Variants in NOTCH2 observed in about 807,000 individuals in gnomAD.
The protein encoded by NOTCH2 is neurogenic locus notch homolog protein 2.
NOTCH2 carries 29 observed loss-of-function variants against 235.8 expected under a neutral mutation model. That is an observed-to-expected ratio of 0.12 (90% CI 0.09 to 0.17). The LOEUF (loss-of-function observed/expected upper bound fraction) is 0.17. Ranked by LOEUF, NOTCH2 falls within the 10% of genes least tolerant of loss-of-function variation. NOTCH2 has a pLI of 1.00. For synonymous variants in NOTCH2, 1,086 were observed against 1,141.5 expected, an observed-to-expected ratio of 0.95 and a Z score of 0.98; for missense variants, 2,285 against 3,150.2, an observed-to-expected ratio of 0.73 and a Z score of 6.57.
At chr1:119,923,518 G>T in intron 26 of NOTCH2, 119 bp downstream of exon 26, 1 of 887,266 alleles carries the variant, frequency 1.1e-6, no homozygotes, top group South Asian at 1.4e-5. Flanking sequence ...ATCTTAAGTG[G>T]TGGGCCATTC....
intron 19 of NOTCH2, among the ~76,000 whole-genome samples, 163 bp downstream of exon 19, chr1:119,940,392 T>C (rs1450587692): frequency 6.6e-6 from 1 of 152,220 alleles, no homozygotes; most frequent in Non-Finnish European, 1.5e-5. Flanking sequence ...CCAGCACCAT[T>C]TTGGAATCTG....
chr1:119,920,374 T>C lies in NOTCH2; in HGVS notation c.5334A>G (p.Ser1778=), dbSNP rs777596428. The change falls in exon 30 of 34, where the codon TCA becomes TCG. Residue 1778 remains serine (S), a synonymous_variant. Transcript: ENST00000256646. ...KVKAEDEALL[S]EEDDPIDRRP... is the part of the protein sequence containing the mutation. ...GTCGATCAATGGGGTCATCTTCTTC[T>C]GAGAGTAAGGCCTCATCTTCAGCCT... The C allele has an allele frequency of 2.5e-6, 4 of 1,614,100 alleles. No homozygotes were observed. Among genetic ancestry groups the C allele is most frequent in the Non-Finnish European group, 3.4e-6 (4 of 1,180,040 alleles).
At chr1:120,042,192 C>T (rs1226317703) in intron 1 of NOTCH2, among the ~76,000 whole-genome samples, 2 of 102,444 alleles carry the variant, frequency 2.0e-5, no homozygotes, top group Admixed American at 1.9e-4. Flanking sequence ...TGAAAAATGT[C>T]AGCCAAGCTA....
rs587652556 is a variant in NOTCH2 at position 119,976,970 on chromosome 1, C to T, written c.875-7226G>A. On this transcript the variant is annotated intron_variant, in intron 5 of 33. Transcript: ENST00000256646. Reference sequence around the variant, plus strand: ...AATTAGTTCTGCCTATTAATATGCTCTCCAGATACATTCTATGTTTCCTGC... The same window carrying T: ...AATTAGTTCTGCCTATTAATATGCTTTCCAGATACATTCTATGTTTCCTGC... 8.4e-4 allele frequency among the ~76,000 whole-genome samples: 128 copies of T among 152,166 alleles called. 1 individual carries two copies. The highest frequency in any genetic ancestry group is 1.6e-3 in the Non-Finnish European group (111 of 67,976).
At chr1:119,946,837 G>C (rs1650271886) in intron 17 of NOTCH2, among the ~76,000 whole-genome samples, 1 of 151,938 alleles carries the variant, frequency 6.6e-6, no homozygotes, top group African/African-American at 2.4e-5. Flanking sequence ...ATAAATAAAA[G>C]GCATACAGGG....
At chr1:119,989,003 T>C (rs1237733236) in intron 4 of NOTCH2, among the ~76,000 whole-genome samples, 6 of 152,218 alleles carry the variant, frequency 3.9e-5, no homozygotes, top group Non-Finnish European at 7.3e-5. Context: ...TTATAACTGA[T>C]TGACTATTGT....
intron 1 of NOTCH2, among the ~76,000 whole-genome samples, chr1:120,041,146 A>G (rs782535299): frequency 8.0e-6 from 1 of 125,362 alleles, no homozygotes; most frequent in Non-Finnish European, 1.5e-5. Flanking sequence ...TTCTTCAGAC[A>G]TACAGCTATG....
At chr1:120,037,190 C>T (rs879965981) in intron 1 of NOTCH2, among the ~76,000 whole-genome samples, 19 of 151,982 alleles carry the variant, frequency 1.3e-4, no homozygotes, top group African/African-American at 2.9e-4. Flanking sequence ...GGTATTTTAA[C>T]GTCTTGACTG....
intron 25 of NOTCH2, 33 bp from the exon 26 acceptor site, chr1:119,924,017 A>T: frequency 6.5e-7 from 1 of 1,537,350 alleles, no homozygotes; most frequent in Non-Finnish European, 9.0e-7. Flanking sequence ...CAGGCAAAAG[A>T]GCTCAGATTA....
At chr1:119,937,742 A>C in intron 20 of NOTCH2, 115 bp downstream of exon 20, 1 of 1,162,826 alleles carries the variant, frequency 8.6e-7, no homozygotes, top group Non-Finnish European at 1.3e-6. Context: ...AGCCCTGCCC[A>C]CCCACTACTA....
intron 11 of NOTCH2, among the ~76,000 whole-genome samples, chr1:119,963,141 T>G (rs1212320706): frequency 8.7e-6 from 1 of 114,880 alleles, no homozygotes; most frequent in African/African-American, 3.4e-5. Flanking sequence ...AAAGAGAAAA[T>G]ACATTAAAGG....
rs2101142790 is a variant in NOTCH2 at position 119,915,846 on chromosome 1, C to T, written c.6876G>A (p.Lys2292=). Residue 2292 remains lysine (K), a synonymous_variant, in exon 34 of 34, where the codon AAG becomes AAA. Transcript: ENST00000256646. The part of the protein sequence containing the change: ...IAPQSRPPEG[K]HITTPREPLP... ...AGGGCTCCCGAGGGGTGGTTATGTG[C>T]TTCCCTTCAGGTGGCCTGCTCTGGG... 2.5e-6 allele frequency: 4 copies of T among 1,614,184 alleles called. No homozygotes were observed. Among genetic ancestry groups the T allele is most frequent in the Non-Finnish European group, 3.4e-6 (4 of 1,180,026 alleles).
intron 15 of NOTCH2, chr1:119,950,447 A>ATC (rs782282789): frequency 1.7e-6 from 1 of 584,856 alleles, no homozygotes; most frequent in South Asian, 1.5e-5. Context: ...GACAACCATC[A>ATC]TCTATGTGCC....
intron 25 of NOTCH2, among the ~76,000 whole-genome samples, chr1:119,925,100 G>C (rs768181416): frequency 5.9e-5 from 9 of 152,326 alleles, no homozygotes; most frequent in Non-Finnish European, 8.8e-5. Flanking sequence ...GATAGGCAGA[G>C]AGAGAGGGTC....
At position 119,967,347 on chromosome 1, in the gene NOTCH2, C is replaced by A. The variant is rs1044909908; in HGVS notation, c.1453+86G>T. ...TCAAATGCTGACAGAGCTCATCAGA[C>A]TGCAATAGTATACTGAATGCTCTAC... On this transcript the variant is annotated intron_variant, in intron 8 of 33. Transcript: ENST00000256646. The A allele has an allele frequency of 2.0e-5, 24 of 1,197,478 alleles. No homozygotes were observed. The African/African-American group carries it at 3.1e-4, about 16-fold the overall frequency. 74.2% of individuals were successfully genotyped at this position (1,197,478 alleles called of 1,614,324 possible). A position where few individuals can be genotyped will look rare whatever the true frequency, so the allele number is the denominator to read the frequency against.
intron 13 of NOTCH2, 85 bp downstream of exon 13, chr1:119,954,955 G>T: frequency 7.2e-7 from 1 of 1,385,970 alleles, no homozygotes; most frequent in Non-Finnish European, 1.0e-6. Flanking sequence ...AGCCCCATTT[G>T]ACAACTTCAG....
intron 1 of NOTCH2, among the ~76,000 whole-genome samples, chr1:120,067,506 C>A (rs1404501899): frequency 1.3e-5 from 2 of 152,186 alleles, no homozygotes; most frequent in Non-Finnish European, 2.9e-5. Flanking sequence ...TTTTTCAAAT[C>A]ACTTTACAAT....
At chr1:119,918,259 T>A in intron 32 of NOTCH2, 147 bp downstream of exon 32, 1 of 927,818 alleles carries the variant, frequency 1.1e-6, no homozygotes, top group South Asian at 1.4e-5. Flanking sequence ...GAGCTCAGCA[T>A]GTTAAATAAA....
chr1:119,916,536 C>T lies in NOTCH2; in HGVS notation c.6186G>A (p.Leu2062=). 2 of 1,613,712 alleles carry T rather than the reference C, an allele frequency of 1.2e-6. No homozygotes were observed. Among genetic ancestry groups the T allele is most frequent in the Non-Finnish European group, 1.7e-6 (2 of 1,179,636 alleles). Residue 2062 remains leucine (L), a synonymous_variant, in exon 34 of 34, where the codon CTG becomes CTA. Transcript: ENST00000256646. Reference sequence around the variant, plus strand: ...GGCTTGGGGTCACATTGTATTCATCCAGAAGGCGCACAATGTCATGGTGCA... The same window carrying T: ...GGCTTGGGGTCACATTGTATTCATCTAGAAGGCGCACAATGTCATGGTGCA... ...DRMHHDIVRL[L]DEYNVTPSPP...
Sources: allele counts gnomAD v4.1 joint callset (sites outside exome capture counted in the v4.1 genomes callset), GRCh38; gene constraint gnomAD v4.1.1; transcripts MANE v1.5; gene names NCBI Gene and HGNC (gene_info 2026-07-23, HGNC 2026-07-21).